The following COL14A1 variants were observed in gnomAD, a reference collection of about 807,000 sequenced individuals.
COL14A1 encodes the protein collagen type XIV alpha 1 chain.
Under a neutral mutation model 230.3 loss-of-function variants are expected in COL14A1, and 136 were observed. The ratio of observed to expected loss-of-function variants is 0.59; its 90% CI spans 0.51 to 0.68. The LOEUF (loss-of-function observed/expected upper bound fraction) is 0.68. Among genes scored for constraint, COL14A1 ranks in the 30% least tolerant of loss-of-function variants. The probability of loss-of-function intolerance (pLI) is 0.00; values close to 1 mark genes in which losing one functional copy is unlikely to be tolerated. For synonymous variants in COL14A1, 792 were observed against 784.1 expected (o/e 1.01, Z -0.17); for missense variants, 1,976 against 2,215.8 (o/e 0.89, Z 2.17).
chr8:120,345,661 A>G, intron 45 of COL14A1, 98 bp downstream of exon 45: 1 of 1,022,830 alleles, frequency 9.8e-7, no homozygotes, highest in Non-Finnish European at 1.3e-6. Context: ...GTCTGAAACA[A>G]TGGACTTAAA....
chr8:120,357,082 C>T (rs909362718), intron 45 of COL14A1, among the ~76,000 whole-genome samples: 3 of 152,152 alleles, frequency 2.0e-5, no homozygotes, highest in African/African-American at 7.2e-5. Flanking sequence ...TGCTGTGTAA[C>T]AAATTACTTT....
chr8:120,147,939 AAACTTTGAG>A lies in COL14A1; in HGVS notation c.88+12_88+20del. ...CATTGTCCAAGGTCAAGGTAATTGA[AAACTTTGAG>A]AATCAGTAGGGTCTGGGACTCTAGC... On this transcript the variant is annotated intron_variant, in intron 2 of 47. Transcript: ENST00000297848. 1 of 1,596,204 alleles carries A rather than the reference AAACTTTGAG, an allele frequency of 6.3e-7. No homozygotes were observed. The highest frequency in any genetic ancestry group is 8.6e-7 in the Non-Finnish European group (1 of 1,164,426).
At position 120,250,819 on chromosome 8, in the gene COL14A1, GT is replaced by G; in HGVS notation, c.2752+59del. On this transcript the variant is annotated intron_variant, in intron 22 of 47. Coordinates refer to ENST00000297848, the MANE Select transcript of COL14A1 (RefSeq NM_021110.4). The stretch of plus-strand genomic sequence containing the variant: ...CGCATATGGGTTTTTGTTTTGTTTT[GT>G]TTTTTGAGATGGAGTCTCGCTCTGT... The G allele has an allele frequency of 1.9e-6, 3 of 1,598,800 alleles. No homozygotes were observed. In the South Asian group the frequency reaches 3.3e-5, roughly 18 times the overall value.
chr8:120,216,232 AAGTTATTAT>A, intron 13 of COL14A1, 110 bp from the exon 14 acceptor site: 2 of 750,466 alleles, frequency 2.7e-6, no homozygotes, highest in Non-Finnish European at 4.2e-6. Context: ...TCAGTGTTAT[AAGTTATTAT>A]CTAGGTGACA....
intron 34 of COL14A1, among the ~76,000 whole-genome samples, chr8:120,296,197 T>C (rs1820526483): frequency 2.0e-5 from 3 of 151,856 alleles, no homozygotes; most frequent in Non-Finnish European, 4.4e-5. Context: ...CAGTGAGCCA[T>C]GCACATATTT....
chr8:120,272,878 C>A (rs906872296), intron 26 of COL14A1, among the ~76,000 whole-genome samples: 1 of 151,668 alleles, frequency 6.6e-6, no homozygotes, highest in African/African-American at 2.4e-5. Context: ...CAGCACTAGA[C>A]AGATAATCAA....
At chr8:120,144,039 T>C (rs549387174) in intron 1 of COL14A1, among the ~76,000 whole-genome samples, 3 of 152,154 alleles carry the variant, frequency 2.0e-5, no homozygotes, top group Non-Finnish European at 4.4e-5. Context: ...TGTGTTTTTA[T>C]TGTTGCCACT....
intron 22 of COL14A1, 24 bp from the exon 23 acceptor site, chr8:120,255,216 A>G: frequency 1.3e-6 from 2 of 1,561,372 alleles, no homozygotes; most frequent in Non-Finnish European, 1.8e-6. Flanking sequence ...GGTGTGATAC[A>G]GTTATGTTTC....
intron 44 of COL14A1, 36 bp from the exon 45 acceptor site, chr8:120,345,339 G>C: frequency 6.6e-7 from 1 of 1,524,672 alleles, no homozygotes; most frequent in Non-Finnish European, 8.7e-7. Context: ...TTGTGTGACA[G>C]TTCACTGAAT....
chr8:120,340,449 C>T (rs753579621), intron 42 of COL14A1, among the ~76,000 whole-genome samples: 16 of 152,154 alleles, frequency 1.1e-4, no homozygotes, highest in Non-Finnish European at 1.6e-4. Flanking sequence ...CCGAGTTTGG[C>T]TTGGGACCTG....
At chr8:120,220,034 A>G (rs1428624130) in intron 14 of COL14A1, among the ~76,000 whole-genome samples, 1 of 152,050 alleles carries the variant, frequency 6.6e-6, no homozygotes, top group Non-Finnish European at 1.5e-5. Context: ...TAGCCATGCT[A>G]TAGATACTTG....
At chr8:120,308,971 A>G (rs1820939795) in intron 36 of COL14A1, among the ~76,000 whole-genome samples, 1 of 152,136 alleles carries the variant, frequency 6.6e-6, no homozygotes, top group South Asian at 2.1e-4. Context: ...AGGGAGTCTC[A>G]CTTTGCCGCC....
chr8:120,165,696 T>C (rs1815844048), intron 4 of COL14A1, among the ~76,000 whole-genome samples: 1 of 152,250 alleles, frequency 6.6e-6, no homozygotes, highest in Non-Finnish European at 1.5e-5. Flanking sequence ...TCTTGTTTAT[T>C]TATAGACTGC....
chr8:120,310,741 G>T (rs932431267), intron 37 of COL14A1, among the ~76,000 whole-genome samples: 1 of 152,226 alleles, frequency 6.6e-6, no homozygotes, highest in East Asian at 1.9e-4. Flanking sequence ...TTAACATTTC[G>T]ATTGATTCTT....
At chr8:120,182,744 T>TTG (rs1816501985) in intron 5 of COL14A1, among the ~76,000 whole-genome samples, 1 of 149,540 alleles carries the variant, frequency 6.7e-6, no homozygotes, top group South Asian at 2.1e-4. Flanking sequence ...TTTTTTTTTT[T>TTG]GAGGTGGAGT....
intron 46 of COL14A1, among the ~76,000 whole-genome samples, chr8:120,367,898 G>T (rs184678226): frequency 6.6e-6 from 1 of 151,310 alleles, no homozygotes; most frequent in Admixed American, 6.6e-5. Flanking sequence ...GAACCGTGAT[G>T]GTGCCACTGC....
chr8:120,367,146 C>G, intron 45 of COL14A1, 25 bp from the exon 46 acceptor site: 1 of 1,537,552 alleles, frequency 6.5e-7, no homozygotes, highest in Non-Finnish European at 8.7e-7. Context: ...GAACTTTAAA[C>G]ATTTTTAAAA....
chr8:120,309,767 C>G (rs992623020), intron 36 of COL14A1, among the ~76,000 whole-genome samples: 1 of 152,074 alleles, frequency 6.6e-6, no homozygotes, highest in African/African-American at 2.4e-5. Flanking sequence ...TAAAATCTTA[C>G]CATTTTTCAA....
chr8:120,298,399 C>T (rs1820593649), intron 35 of COL14A1, among the ~76,000 whole-genome samples: 1 of 150,980 alleles, frequency 6.6e-6, no homozygotes, highest in Non-Finnish European at 1.5e-5. Flanking sequence ...ATCTACATAA[C>T]CTATATGTGA....
Sources: gnomAD v4.1 joint callset for allele counts (sites outside exome capture counted in the v4.1 genomes callset) on GRCh38, gnomAD v4.1.1 for gene constraint, MANE v1.5 for transcripts, NCBI Gene and HGNC (gene_info 2026-07-23, HGNC 2026-07-21) for gene names.